SLC35F3: variants seen among roughly 807,000 people sequenced by gnomAD.
SLC35F3 encodes the protein solute carrier family 35 member F3.
A neutral mutation model predicts 49.9 loss-of-function variants in SLC35F3; 25 were observed. That is an observed-to-expected ratio of 0.50 (90% CI 0.37 to 0.70). SLC35F3 has a LOEUF of 0.70. Among genes scored for constraint, SLC35F3 ranks in the 30% least tolerant of loss-of-function variants. The pLI is 0.00. For missense variants in SLC35F3, 525 were observed against 639.8 expected (o/e 0.82, Z 1.94); for synonymous variants, 275 against 265.4 (o/e 1.04, Z -0.35).
At chr1:234,124,532 C>G (rs1394429252) in intron 2 of SLC35F3, among the ~76,000 whole-genome samples, 1 of 152,078 alleles carries the variant, frequency 6.6e-6, no homozygotes, top group African/African-American at 2.4e-5. Flanking sequence ...ACAAGGAAAA[C>G]AGAGATGAGG....
intron 2 of SLC35F3, among the ~76,000 whole-genome samples, chr1:233,921,182 C>T (rs1442487471): frequency 1.3e-5 from 2 of 152,234 alleles, no homozygotes; most frequent in Admixed American, 1.3e-4. Flanking sequence ...TGAATAAATT[C>T]TCAAAAATAA....
In SLC35F3 at chr1:234,226,961, G is replaced by GCGCGCACA. The variant is rs141422884; in HGVS notation, c.284-4455_284-4454insGCGCACAC. On this transcript the variant is annotated intron_variant, in intron 2 of 7. Coordinates refer to ENST00000366618, the MANE Select transcript of SLC35F3 (RefSeq NM_173508.4). The stretch of plus-strand genomic sequence containing the variant: ...CCTGCACTGGCGTGCGCGCACGCGT[G>GCGCGCACA]CACACACACACACACACACACACAC... 1.1e-3 allele frequency among the ~76,000 whole-genome samples: 163 copies of GCGCGCACA among 148,738 alleles called. 1 individual carries two copies. Among genetic ancestry groups the GCGCGCACA allele is most frequent in the East Asian group, 8.9e-3 (44 of 4,966 alleles).
At chr1:234,108,549 TTATATATAAAAGATATATATTATTTA>T (rs1558231616) in intron 2 of SLC35F3, among the ~76,000 whole-genome samples, 3 of 87,398 alleles carry the variant, frequency 3.4e-5, no homozygotes, top group East Asian at 0.015. Flanking sequence ...TATATATTAT[TTATATATAAAAGATATATATTATTTA>T]TATATATAAA....
At chr1:234,275,761 A>ATATATAT (rs201588632) in intron 3 of SLC35F3, among the ~76,000 whole-genome samples, 1 of 137,266 alleles carries the variant, frequency 7.3e-6, no homozygotes, top group African/African-American at 2.8e-5. Context: ...TGAAAAAAAA[A>ATATATAT]AAATATATAT....
chr1:234,131,954 A>G (rs1444025877), intron 2 of SLC35F3, among the ~76,000 whole-genome samples: 1 of 152,234 alleles, frequency 6.6e-6, no homozygotes, highest in Non-Finnish European at 1.5e-5. Context: ...TAGACTATGT[A>G]TAAACTTCGG....
intron 2 of SLC35F3, among the ~76,000 whole-genome samples, chr1:234,167,901 C>T (rs955567012): frequency 2.6e-5 from 4 of 152,160 alleles, no homozygotes; most frequent in Non-Finnish European, 5.9e-5. Context: ...CTGAGGTTGG[C>T]GCACTTTCTG....
chr1:234,156,271 T>C (rs191719795), intron 2 of SLC35F3, among the ~76,000 whole-genome samples: 16 of 152,280 alleles, frequency 1.1e-4, no homozygotes, highest in African/African-American at 3.9e-4. Flanking sequence ...TGTGGTAAAG[T>C]TGAAAATCAT....
chr1:234,014,354 C>G (rs1467792169), intron 2 of SLC35F3, among the ~76,000 whole-genome samples: 2 of 152,142 alleles, frequency 1.3e-5, no homozygotes, highest in East Asian at 1.9e-4. Context: ...CAATAGAGGC[C>G]GTATATGAAA....
At chr1:233,933,948 C>T (rs58418509) in intron 2 of SLC35F3, among the ~76,000 whole-genome samples, 1,914 of 152,234 alleles carry the variant, frequency 0.013, 43 homozygotes, top group African/African-American at 0.042. Flanking sequence ...TTCCAAAGCA[C>T]GTAGAGATCA....
intron 2 of SLC35F3, among the ~76,000 whole-genome samples, chr1:234,191,406 A>G (rs943544948): frequency 6.6e-6 from 1 of 152,198 alleles, no homozygotes. Flanking sequence ...AACTACAGTA[A>G]TGACACAACT....
intron 3 of SLC35F3, among the ~76,000 whole-genome samples, chr1:234,300,003 A>G (rs1668668892): frequency 6.6e-6 from 1 of 150,908 alleles, no homozygotes; most frequent in African/African-American, 2.4e-5. Context: ...AAAAAATACA[A>G]TGAAGTTCAC....
Position 234,323,549 on chromosome 1 carries a change from G to A in SLC35F3, c.*306G>A. The A allele has an allele frequency of 2.5e-6, 1 of 403,330 alleles. No individual in the cohort carries two copies. Among genetic ancestry groups the A allele is most frequent in the South Asian group, 3.4e-5 (1 of 29,610 alleles). The allele number at this position is 403,330 out of a possible 1,614,324, so 25.0% of individuals were successfully genotyped here. A position where few individuals can be genotyped will look rare whatever the true frequency, so the allele number is the denominator to read the frequency against. On this transcript the variant is annotated 3_prime_UTR_variant, in exon 8 of 8. Coordinates refer to ENST00000366618, the MANE Select transcript of SLC35F3 (RefSeq NM_173508.4). This position sits in a 1 kb window ranked among gnomAD's most constrained non-coding sequence, Gnocchi z 4.5. ...ACGTTCTTGACAAGCCAGCCATCAGGGCAAGTGTTTTGAATCTTAGCAAGT... is the reference window on the plus strand; with the variant it reads ...ACGTTCTTGACAAGCCAGCCATCAGAGCAAGTGTTTTGAATCTTAGCAAGT...
chr1:234,000,068 A>G (rs760503659), intron 2 of SLC35F3, among the ~76,000 whole-genome samples: 1 of 152,210 alleles, frequency 6.6e-6, no homozygotes, highest in Non-Finnish European at 1.5e-5. Context: ...CTTAATCACA[A>G]AAACTCTGAT....
chr1:234,084,381 G>T (rs1273799982), intron 2 of SLC35F3, among the ~76,000 whole-genome samples: 2 of 152,132 alleles, frequency 1.3e-5, no homozygotes, highest in Non-Finnish European at 2.9e-5. Context: ...AAACAAATAT[G>T]AGACATAAAA....
At chr1:234,113,216 C>A (rs538076657) in intron 2 of SLC35F3, among the ~76,000 whole-genome samples, 2 of 152,270 alleles carry the variant, frequency 1.3e-5, no homozygotes, top group South Asian at 2.1e-4. Context: ...GACTAAATTG[C>A]CATAATCATC....
chr1:234,247,645 TG>T (rs1285131248), intron 3 of SLC35F3, among the ~76,000 whole-genome samples: 1 of 151,506 alleles, frequency 6.6e-6, no homozygotes, highest in East Asian at 2.0e-4. Context: ...GTCCATTGTT[TG>T]GGGGGCTGGT....
chr1:234,178,902 C>T (rs1391059658), intron 2 of SLC35F3, among the ~76,000 whole-genome samples: 1 of 152,156 alleles, frequency 6.6e-6, no homozygotes, highest in Non-Finnish European at 1.5e-5. Context: ...ATTTCATTGC[C>T]CTAAAAATCC....
At chr1:234,311,490 G>A (rs931153385) in intron 4 of SLC35F3, among the ~76,000 whole-genome samples, 1 of 152,206 alleles carries the variant, frequency 6.6e-6, no homozygotes, top group Non-Finnish European at 1.5e-5. Context: ...AAAAATCCAT[G>A]TTGAAGGCAC....
intron 2 of SLC35F3, among the ~76,000 whole-genome samples, chr1:234,096,885 CT>C (rs34404610): frequency 0.39 from 51,698 of 131,938 alleles, 9,624 homozygotes; most frequent in African/African-American, 0.48. Flanking sequence ...TTGTTAAATT[CT>C]TTTTTTTTTT....
Sources: gnomAD v4.1 joint callset for allele counts (sites outside exome capture counted in the v4.1 genomes callset) on GRCh38, gnomAD v4.1.1 for gene constraint, Gnocchi (gnomAD v3.1) non-coding constraint, MANE v1.5 for transcripts, NCBI Gene and HGNC (gene_info 2026-07-23, HGNC 2026-07-21) for gene names.